Variants in ADGRB3 observed in about 807,000 individuals in gnomAD.
ADGRB3 encodes adhesion G protein-coupled receptor B3, also known as brain-specific angiogenesis inhibitor 3.
A neutral mutation model predicts 193.4 loss-of-function variants in ADGRB3; 37 were observed. The ratio of observed to expected loss-of-function variants is 0.19; its 90% CI spans 0.15 to 0.25. ADGRB3 has a LOEUF of 0.25. ADGRB3 is among the 10% of genes least tolerant of loss of function. ADGRB3 has a pLI of 1.00. For synonymous variants in ADGRB3, 690 were observed against 644.2 expected (o/e 1.07, Z -1.08); for missense variants, 1,637 against 1,852.9 (o/e 0.88, Z 2.14).
At chr6:69,071,497 T>G (rs1453324951) in intron 16 of ADGRB3, among the ~76,000 whole-genome samples, 1 of 152,168 alleles carries the variant, frequency 6.6e-6, no homozygotes, top group Non-Finnish European at 1.5e-5. Flanking sequence ...GAGTGGTATG[T>G]AGAACATCTA....
intron 17 of ADGRB3, among the ~76,000 whole-genome samples, chr6:69,119,127 G>T (rs902961091): frequency 6.6e-6 from 1 of 152,170 alleles, no homozygotes; most frequent in South Asian, 2.1e-4. Context: ...GAAAACCTCT[G>T]ATTTACATAG....
rs77318769 is a variant in ADGRB3, at chr6:68,738,938, T to C, written c.757+99506T>C. 3.3e-3 allele frequency among the ~76,000 whole-genome samples: 503 copies of C among 152,134 alleles called. 22 individuals are homozygous for C. The East Asian group carries it at 0.066, about 20-fold the overall frequency. Reference sequence around the variant, plus strand: ...TTATGATCTGGGTCACTCCAACAGATTGGGGACATGAAGAGGATACAGGAA... The same window carrying C: ...TTATGATCTGGGTCACTCCAACAGACTGGGGACATGAAGAGGATACAGGAA... On this transcript the variant is annotated intron_variant, in intron 3 of 31. Coordinates refer to ENST00000370598, the MANE Select transcript of ADGRB3 (RefSeq NM_001704.3).
chr6:69,122,768 A>T (rs896783900), intron 17 of ADGRB3, among the ~76,000 whole-genome samples: 1 of 152,094 alleles, frequency 6.6e-6, no homozygotes, highest in Non-Finnish European at 1.5e-5. Context: ...TTGCTAAAAC[A>T]TGGCCAAGAG....
chr6:68,871,279 G>GA, intron 3 of ADGRB3, among the ~76,000 whole-genome samples: 1 of 152,002 alleles, frequency 6.6e-6, no homozygotes, highest in Non-Finnish European at 1.5e-5. Context: ...ATTTATATTT[G>GA]AAAAATGCTT....
At chr6:68,770,127 T>C (rs1291005535) in intron 3 of ADGRB3, among the ~76,000 whole-genome samples, 2 of 152,142 alleles carry the variant, frequency 1.3e-5, no homozygotes, top group African/African-American at 2.4e-5. Flanking sequence ...ACCTCAGTAA[T>C]TGGATTCTGA....
At chr6:68,648,028 G>A (rs1768255145) in intron 3 of ADGRB3, among the ~76,000 whole-genome samples, 1 of 152,078 alleles carries the variant, frequency 6.6e-6, no homozygotes, top group Non-Finnish European at 1.5e-5. Context: ...TCATCTATGA[G>A]ACTCTATGAA....
chr6:69,333,140 T>C (rs535200504), intron 24 of ADGRB3, 132 bp downstream of exon 24: 1 of 1,020,562 alleles, frequency 9.8e-7, no homozygotes, highest in African/African-American at 1.6e-5. Flanking sequence ...CAGTAGATTC[T>C]GCTATATAAA....
chr6:69,089,107 A>G lies in ADGRB3; in HGVS notation c.2480+13069A>G, dbSNP rs185439677. Among the ~76,000 whole-genome samples, 8 of 152,332 alleles carry G rather than the reference A, an allele frequency of 5.3e-5. No individual in the cohort carries two copies. In the East Asian group the frequency reaches 1.5e-3, roughly 29 times the overall value. On this transcript the variant is annotated intron_variant, in intron 17 of 31. Coordinates refer to ENST00000370598, the MANE Select transcript of ADGRB3 (RefSeq NM_001704.3). ...GAAGTTCTTTGAATCTCCACAGAGG[A>G]AGTACTGCATTGCTTTCTGATATTT...
intron 3 of ADGRB3, among the ~76,000 whole-genome samples, chr6:68,927,960 C>T (rs1012605792): frequency 2.6e-5 from 4 of 151,924 alleles, no homozygotes; most frequent in East Asian, 1.9e-4. Flanking sequence ...AATTTCTTAT[C>T]GCAAATATTG....
intron 20 of ADGRB3, among the ~76,000 whole-genome samples, chr6:69,310,856 A>G (rs1315706518): frequency 2.0e-5 from 3 of 151,696 alleles, no homozygotes; most frequent in Admixed American, 6.6e-5. Flanking sequence ...TTTTTCCAAT[A>G]GATAAATATC....
intron 20 of ADGRB3, among the ~76,000 whole-genome samples, chr6:69,241,300 A>G (rs948680423): frequency 3.9e-5 from 6 of 151,974 alleles, no homozygotes; most frequent in African/African-American, 1.4e-4. Flanking sequence ...TAATTTTAAT[A>G]TATACTATTT....
chr6:68,688,566 G>T (rs1052717649), intron 3 of ADGRB3, among the ~76,000 whole-genome samples: 26 of 152,154 alleles, frequency 1.7e-4, no homozygotes, highest in African/African-American at 5.8e-4. Flanking sequence ...TAGCCACTCA[G>T]TAGGAGGGGA....
intron 3 of ADGRB3, among the ~76,000 whole-genome samples, chr6:68,858,873 T>C (rs1022332431): frequency 9.2e-5 from 14 of 152,306 alleles, no homozygotes; most frequent in East Asian, 7.8e-4. Flanking sequence ...CTGTAATGGT[T>C]GGGGCTGCTG....
intron 3 of ADGRB3, among the ~76,000 whole-genome samples, chr6:68,770,780 A>T (rs1394770069): frequency 2.0e-5 from 3 of 152,116 alleles, no homozygotes; most frequent in Non-Finnish European, 2.9e-5. Flanking sequence ...ATAGATTGTG[A>T]TCCCTGAGAA....
At chr6:68,652,747 T>C (rs1000481777) in intron 3 of ADGRB3, among the ~76,000 whole-genome samples, 4 of 152,142 alleles carry the variant, frequency 2.6e-5, no homozygotes, top group African/African-American at 9.7e-5. Context: ...AACCCTCAAA[T>C]ATTTCAGTTT....
chr6:68,839,356 A>G (rs558836020), intron 3 of ADGRB3, among the ~76,000 whole-genome samples: 4 of 152,342 alleles, frequency 2.6e-5, no homozygotes, highest in Non-Finnish European at 5.9e-5. Flanking sequence ...TTCAAAATAC[A>G]TAGCTTCTCA....
rs1450464280 is a variant in ADGRB3 at position 68,999,736 on chromosome 6, A to T, written c.1929+5774A>T. ...CCGTACTACAGAACTTTCACACACA[A>T]CATCATAATTATTGTTGCTAGGTCT... On this transcript the variant is annotated intron_variant, in intron 11 of 31. Transcript: ENST00000370598. Among the ~76,000 whole-genome samples, 6 of 152,154 alleles carry T rather than the reference A, an allele frequency of 3.9e-5. 1 individual carries two copies. Among genetic ancestry groups the T allele is most frequent in the Admixed American group, 3.9e-4 (6 of 15,280 alleles).
At position 68,824,769 on chromosome 6, in the gene ADGRB3, G is replaced by T. The variant is rs535465078; in HGVS notation, c.758-105790G>T. ...TCATCTTTTTTTATAGTATCTTGTT[G>T]CTTTCACATATTTACATTTATTTTA... is the stretch of plus-strand genomic sequence containing the variant. On this transcript the variant is annotated intron_variant, in intron 3 of 31. Coordinates refer to ENST00000370598, the MANE Select transcript of ADGRB3 (RefSeq NM_001704.3). Among the ~76,000 whole-genome samples, 4 of 150,816 alleles carry T rather than the reference G, an allele frequency of 2.7e-5. No individual in the cohort carries two copies. The East Asian group carries it at 5.8e-4, about 22-fold the overall frequency.
At chr6:69,228,810 A>C (rs1766075390) in intron 17 of ADGRB3, among the ~76,000 whole-genome samples, 3 of 152,198 alleles carry the variant, frequency 2.0e-5, no homozygotes, top group African/African-American at 7.2e-5. Flanking sequence ...TTTAGCATTA[A>C]AATTCACCTG....
Sources: allele counts gnomAD v4.1 joint callset (sites outside exome capture counted in the v4.1 genomes callset), GRCh38; gene constraint gnomAD v4.1.1; transcripts MANE v1.5; gene names NCBI Gene and HGNC (gene_info 2026-07-23, HGNC 2026-07-21).